Variants in CDH7 observed in about 807,000 individuals in gnomAD.
CDH7 encodes cadherin-7.
Under a neutral mutation model 71.8 loss-of-function variants are expected in CDH7, and 25 were observed. The observed-to-expected ratio is 0.35, with a 90% CI of 0.25 to 0.49. The LOEUF is 0.49. Among genes scored for constraint, CDH7 ranks in the 20% least tolerant of loss-of-function variants. The pLI, the probability that CDH7 is intolerant of heterozygous loss-of-function variation, is 0.99. For missense variants in CDH7, 862 were observed against 974.6 expected (o/e 0.88, Z 1.54); for synonymous variants, 381 against 363.8 (o/e 1.05, Z -0.54).
At chr18:65,856,402 T>C (rs1311710920) in intron 7 of CDH7, among the ~76,000 whole-genome samples, 2 of 152,098 alleles carry the variant, frequency 1.3e-5, no homozygotes, top group Non-Finnish European at 2.9e-5. Flanking sequence ...TAAAGGCAAA[T>C]TGATTTTAAG....
At chr18:65,768,125 C>A (rs1916431623) in intron 2 of CDH7, among the ~76,000 whole-genome samples, 1 of 152,062 alleles carries the variant, frequency 6.6e-6, no homozygotes, top group Non-Finnish European at 1.5e-5. Context: ...AAAAATTCTG[C>A]CTTTTTAACA....
chr18:65,872,212 A>G (rs1913948402), intron 11 of CDH7, among the ~76,000 whole-genome samples: 1 of 151,904 alleles, frequency 6.6e-6, no homozygotes, highest in Non-Finnish European at 1.5e-5. Context: ...CATGCCATGT[A>G]AAAAAAAGGG....
rs544223697 is a variant in CDH7 at position 65,821,842 on chromosome 18, A to G, written c.626-239A>G. Among the ~76,000 whole-genome samples the G allele has an allele frequency of 2.6e-5, 4 of 152,304 alleles. No individual in the cohort carries two copies. The South Asian group carries it at 6.2e-4, about 24-fold the overall frequency. On this transcript the variant is annotated intron_variant, in intron 4 of 11. Transcript: ENST00000397968. ...CCTTAACCACTTTTCCATGAAACCT[A>G]AAGATAATCCTCTTTATTCAGTATT... is the stretch of plus-strand genomic sequence containing the variant.
At chr18:65,831,883 T>C (rs1912362788) in intron 6 of CDH7, among the ~76,000 whole-genome samples, 1 of 151,770 alleles carries the variant, frequency 6.6e-6, no homozygotes, top group Non-Finnish European at 1.5e-5. Context: ...AGATAAACAA[T>C]GGAATGCTAT....
intron 1 of CDH7, among the ~76,000 whole-genome samples, chr18:65,761,355 A>AG (rs397936916): frequency 1.7e-5 from 1 of 60,496 alleles, no homozygotes; most frequent in African/African-American, 1.0e-4. Flanking sequence ...TTTACTACAT[A>AG]TAGTATTTTC....
Position 65,778,771 on chromosome 18 carries a change from A to G in CDH7, c.210+15719A>G, listed in dbSNP as rs932547508. On this transcript the variant is annotated intron_variant, in intron 2 of 11. Transcript: ENST00000397968. ...TCAGGGTCTTTAAAAGCTGTCAGGC[A>G]TAATTGAATGGTTTTCTGAAATTTT... Among the ~76,000 whole-genome samples, 255 of 151,584 alleles carry G rather than the reference A, an allele frequency of 1.7e-3. 4 individuals are homozygous for G. Among genetic ancestry groups the G allele is most frequent in the African/African-American group, 6.0e-3 (250 of 41,342 alleles).
intron 2 of CDH7, among the ~76,000 whole-genome samples, chr18:65,796,266 C>T (rs1018092672): frequency 2.0e-5 from 3 of 151,966 alleles, no homozygotes; most frequent in Non-Finnish European, 4.4e-5. Flanking sequence ...ACCCAATGTC[C>T]TTTTTTCCAC....
chr18:65,799,533 G>A (rs540291264), intron 2 of CDH7, among the ~76,000 whole-genome samples: 206 of 152,096 alleles, frequency 1.4e-3, no homozygotes, highest in African/African-American at 4.8e-3. Flanking sequence ...AAAATTAGCC[G>A]GGCATGGTGG....
intron 11 of CDH7, chr18:65,865,628 C>G (rs1913730053): frequency 1.3e-5 from 2 of 152,112 alleles, no homozygotes; most frequent in African/African-American, 4.8e-5. Flanking sequence ...ACCATTTTAG[C>G]TCAGAAATGT....
rs766013120 is a variant in CDH7, at chr18:65,862,857, C to T, written c.1804C>T (p.Pro602Ser). ...CTGCAATGCAGAGGCCTATGTCCTACCTGCTGGCCTCAGTACAGGAGCCCT... is the reference window on the plus strand; with the variant it reads ...CTGCAATGCAGAGGCCTATGTCCTATCTGCTGGCCTCAGTACAGGAGCCCT... ...QTCNAEAYVL[P>S]AGLSTGALIA... is the part of the protein sequence containing the mutation. Residue 602 changes from proline to serine, a missense_variant, in exon 11 of 12, where the codon CCT becomes TCT. By Grantham distance (74) the Pro-to-Ser change is moderately conservative. Coordinates refer to ENST00000397968, the MANE Select transcript of CDH7 (RefSeq NM_004361.5). 5 of 1,614,064 alleles carry T rather than the reference C, an allele frequency of 3.1e-6. No homozygotes were observed. The South Asian group carries it at 3.3e-5, about 11-fold the overall frequency.
At chr18:65,812,421 T>C (rs1314106214) in intron 3 of CDH7, among the ~76,000 whole-genome samples, 2 of 152,214 alleles carry the variant, frequency 1.3e-5, no homozygotes, top group Admixed American at 6.5e-5. Context: ...GAACATGGAA[T>C]ACCTAAACTA....
At chr18:65,753,534 A>G (rs1339556453) in intron 1 of CDH7, among the ~76,000 whole-genome samples, 2 of 152,242 alleles carry the variant, frequency 1.3e-5, no homozygotes, top group African/African-American at 2.4e-5. Flanking sequence ...AGGAACTTCT[A>G]AAATAACTAA....
At chr18:65,766,299 G>T (rs149842704) in intron 2 of CDH7, among the ~76,000 whole-genome samples, 2 of 152,228 alleles carry the variant, frequency 1.3e-5, no homozygotes, top group East Asian at 3.9e-4. Context: ...TCAATTAAAT[G>T]ACTCTTCAGT....
At chr18:65,864,889 TAAAAAAAAAAAA>T (rs1191269381) in intron 11 of CDH7, among the ~76,000 whole-genome samples, 1 of 85,960 alleles carries the variant, frequency 1.2e-5, no homozygotes, top group African/African-American at 4.6e-5. Context: ...AGACTCCATC[TAAAAAAAAAAAA>T]AAAAAAAAAA....
chr18:65,887,193 A>G lies in CDH7; in HGVS notation c.*6299A>G, dbSNP rs982111598. On this transcript the variant is annotated 3_prime_UTR_variant, in exon 12 of 12. Transcript: ENST00000397968. Reference sequence around the variant, plus strand: ...TTCTAATTTTGTGAGTATAAACCCTATGTTTTTGTATATCAAGATCTGGAA... The same window carrying G: ...TTCTAATTTTGTGAGTATAAACCCTGTGTTTTTGTATATCAAGATCTGGAA... 2 of 152,134 alleles carry G rather than the reference A, an allele frequency of 1.3e-5. No individual in the cohort carries two copies. The highest frequency in any genetic ancestry group is 2.4e-5 in the African/African-American group (1 of 41,438). The allele number at this position is 152,134 out of a possible 1,614,324, so 9.4% of individuals were successfully genotyped here.
At chr18:65,823,140 G>GT (rs1273401674) in intron 5 of CDH7, among the ~76,000 whole-genome samples, 1 of 151,726 alleles carries the variant, frequency 6.6e-6, no homozygotes, top group African/African-American at 2.4e-5. Flanking sequence ...AAGTGTCACT[G>GT]TTTTTTCCTT....
chr18:65,762,547 T>G (rs1336997579), intron 1 of CDH7, 100 bp from the exon 2 acceptor site: 1 of 186,866 alleles, frequency 5.4e-6, no homozygotes, highest in Non-Finnish European at 1.1e-5. Context: ...CTTGGAAATT[T>G]GTATAGTCTT....
intron 2 of CDH7, among the ~76,000 whole-genome samples, chr18:65,799,444 G>A (rs28702424): frequency 0.36 from 55,038 of 151,894 alleles, 11,122 homozygotes; most frequent in African/African-American, 0.54. Flanking sequence ...TTGGGAGGCC[G>A]AGGTGGGCGG....
intron 2 of CDH7, among the ~76,000 whole-genome samples, chr18:65,781,930 C>CTT (rs1910261021): frequency 1.7e-5 from 1 of 57,362 alleles, no homozygotes; most frequent in African/African-American, 1.3e-4. Flanking sequence ...CTTTCTCTCT[C>CTT]TCTCTCTCTC....
Sources: gnomAD v4.1 joint callset for allele counts (sites outside exome capture counted in the v4.1 genomes callset) on GRCh38, gnomAD v4.1.1 for gene constraint, MANE v1.5 for transcripts, NCBI Gene and HGNC (gene_info 2026-07-23, HGNC 2026-07-21) for gene names.